DNAL1: variants seen among roughly 807,000 people sequenced by gnomAD.
DNAL1 encodes dynein axonemal light chain 1.
DNAL1 carries 17 observed loss-of-function variants against 29.4 expected under a neutral mutation model. The observed-to-expected ratio is 0.58, with a 90% CI of 0.40 to 0.87. The LOEUF (loss-of-function observed/expected upper bound fraction) is 0.87, where lower values mean the gene tolerates loss of function less well. Among genes scored for constraint, DNAL1 ranks in the 40% least tolerant of loss-of-function variants. DNAL1 has a pLI of 0.00. For missense variants in DNAL1, 188 were observed against 214.1 expected (o/e 0.88, Z 0.76); for synonymous variants, 78 against 76.3 (o/e 1.02, Z -0.12).
chr14:73,694,906 C>T (rs1238400689), intron 7 of DNAL1, among the ~76,000 whole-genome samples: 1 of 152,066 alleles, frequency 6.6e-6, no homozygotes, highest in Non-Finnish European at 1.5e-5. Flanking sequence ...CCAGGCTGGT[C>T]TCGAACCCCT....
intron 7 of DNAL1, among the ~76,000 whole-genome samples, chr14:73,692,610 GA>G (rs59651369): frequency 0.032 from 3,891 of 123,154 alleles, 133 homozygotes; most frequent in African/African-American, 0.099. Context: ...AGTGAGCCGA[GA>G]AAAAAAAAAA....
At chr14:73,656,032 G>A (rs1891209588) in intron 2 of DNAL1, among the ~76,000 whole-genome samples, 2 of 151,968 alleles carry the variant, frequency 1.3e-5, no homozygotes, top group Non-Finnish European at 1.5e-5. Context: ...TAGTTTTTTT[G>A]CATCACTTCT....
rs1892461254 is a variant in DNAL1, at chr14:73,702,469, T to A, written c.*6527T>A. ...ATTCATTTCTTTAGCTAAGTTTTTT[T>A]TTCTTAGTAGGTTTTTTTCTCCCAG... is the stretch of plus-strand genomic sequence containing the variant. On this transcript the variant is annotated 3_prime_UTR_variant, in exon 8 of 8. Transcript: ENST00000553645. The A allele has an allele frequency of 6.6e-6, 1 of 152,054 alleles. No homozygotes were observed. Among genetic ancestry groups the A allele is most frequent in the Non-Finnish European group, 1.5e-5 (1 of 68,022 alleles). 9.4% of individuals were successfully genotyped at this position (152,054 alleles called of 1,614,324 possible).
chr14:73,685,591 C>T (rs776054539), intron 5 of DNAL1, among the ~76,000 whole-genome samples: 2 of 151,750 alleles, frequency 1.3e-5, no homozygotes, highest in Admixed American at 6.6e-5. Flanking sequence ...GCCAAAGTAG[C>T]TGGGACTACA....
Position 73,687,246 on chromosome 14 carries a change from T to G in DNAL1, c.265-13T>G, listed in dbSNP as rs1229305805. ...TTAAACATAAACATAAATCAAATTT[T>G]GTTCTTTTTCAGGAGGCAGTAGGGG... On this transcript the variant is annotated splice_polypyrimidine_tract_variant and intron_variant, in intron 5 of 7. Coordinates refer to ENST00000553645, the MANE Select transcript of DNAL1 (RefSeq NM_031427.4). 6.2e-7 allele frequency: 1 copy of G among 1,609,430 alleles called. No individual in the cohort carries two copies. Among genetic ancestry groups the G allele is most frequent in the African/African-American group, 1.3e-5 (1 of 74,716 alleles).
chr14:73,651,797 C>G (rs1427820204), intron 1 of DNAL1, among the ~76,000 whole-genome samples: 1 of 152,102 alleles, frequency 6.6e-6, no homozygotes, highest in African/African-American at 2.4e-5. Flanking sequence ...GCTGGAAATA[C>G]AGGTGCACAT....
intron 5 of DNAL1, among the ~76,000 whole-genome samples, chr14:73,684,016 T>G (rs1472016930): frequency 6.6e-6 from 1 of 152,220 alleles, no homozygotes. Context: ...CGAGATCAAC[T>G]TTTTTAGATT....
intron 2 of DNAL1, among the ~76,000 whole-genome samples, chr14:73,656,459 T>G (rs1316461803): frequency 6.7e-6 from 1 of 149,078 alleles, no homozygotes. Flanking sequence ...TTTGAGACAG[T>G]GTCTCGCTCT....
At chr14:73,677,880 ATATT>A (rs1411875695) in intron 5 of DNAL1, among the ~76,000 whole-genome samples, 1 of 37,146 alleles carries the variant, frequency 2.7e-5, no homozygotes, top group African/African-American at 1.1e-4. Context: ...ATATATATAT[ATATT>A]TGTGTGTGTG....
At chr14:73,679,888 TTTTC>T (rs1035518366) in intron 5 of DNAL1, among the ~76,000 whole-genome samples, 1 of 152,020 alleles carries the variant, frequency 6.6e-6, no homozygotes, top group African/African-American at 2.4e-5. Context: ...TCTTTTTTTT[TTTTC>T]TTTAATTGGT....
intron 7 of DNAL1, among the ~76,000 whole-genome samples, chr14:73,695,289 C>T (rs1892276109): frequency 6.6e-6 from 1 of 151,220 alleles, no homozygotes; most frequent in African/African-American, 2.4e-5. Flanking sequence ...AACTCCTAGG[C>T]TTAAGCGCTT....
intron 4 of DNAL1, among the ~76,000 whole-genome samples, chr14:73,663,999 T>A (rs997341438): frequency 3.2e-4 from 48 of 152,310 alleles, no homozygotes; most frequent in Non-Finnish European, 6.3e-4. Context: ...GGGTTTGTTT[T>A]AGGTAAGTCC....
chr14:73,688,202 C>T (rs1036058184), intron 6 of DNAL1, among the ~76,000 whole-genome samples: 2 of 152,046 alleles, frequency 1.3e-5, no homozygotes, highest in African/African-American at 2.4e-5. Flanking sequence ...CAGTTATATG[C>T]GATGAACTAT....
At chr14:73,666,181 G>GTCTT (rs1440318788) in intron 4 of DNAL1, among the ~76,000 whole-genome samples, 5 of 152,076 alleles carry the variant, frequency 3.3e-5, no homozygotes, top group African/African-American at 7.2e-5. Flanking sequence ...TGACACTATA[G>GTCTT]TCTTACCTAT....
At chr14:73,663,137 G>A (rs142896318) in intron 4 of DNAL1, among the ~76,000 whole-genome samples, 10 of 150,620 alleles carry the variant, frequency 6.6e-5, no homozygotes, top group South Asian at 2.1e-4. Flanking sequence ...AAATATATAC[G>A]TACATATAAA....
intron 5 of DNAL1, among the ~76,000 whole-genome samples, chr14:73,686,002 A>G (rs1566890224): frequency 1.3e-5 from 2 of 152,122 alleles, no homozygotes; most frequent in African/African-American, 4.8e-5. Context: ...ATGATAATTA[A>G]TTTTTTAAGG....
chr14:73,668,657 G>A (rs934947532), intron 4 of DNAL1, among the ~76,000 whole-genome samples: 6 of 151,874 alleles, frequency 4.0e-5, no homozygotes, highest in African/African-American at 1.2e-4. Context: ...TGCTTGGCTT[G>A]TAGATGGCCG....
chr14:73,649,338 A>C lies in DNAL1; in HGVS notation c.3+4296A>C, dbSNP rs1443497634. Among the ~76,000 whole-genome samples, 5 of 149,154 alleles carry C rather than the reference A, an allele frequency of 3.4e-5. No homozygotes were observed. The East Asian group carries it at 1.0e-3, about 30-fold the overall frequency. ...CGCTCTGTCGCCAGGGCTGGAGTGCAGTGGCGCGATCTCGGCTCACGGCAA... is the reference window on the plus strand; with the variant it reads ...CGCTCTGTCGCCAGGGCTGGAGTGCCGTGGCGCGATCTCGGCTCACGGCAA... On this transcript the variant is annotated intron_variant, in intron 1 of 7. Coordinates refer to ENST00000553645, the MANE Select transcript of DNAL1 (RefSeq NM_031427.4).
chr14:73,662,178 A>G, intron 4 of DNAL1, 136 bp downstream of exon 4: 2 of 693,046 alleles, frequency 2.9e-6, no homozygotes, highest in Non-Finnish European at 4.8e-6. Context: ...TACATAAACT[A>G]TGTCTTAAGT....
Sources: gnomAD v4.1 joint callset for allele counts (sites outside exome capture counted in the v4.1 genomes callset) on GRCh38, gnomAD v4.1.1 for gene constraint, MANE v1.5 for transcripts, NCBI Gene and HGNC (gene_info 2026-07-23, HGNC 2026-07-21) for gene names.